Variants in APP observed in about 807,000 individuals in gnomAD.
The protein encoded by APP is amyloid-beta precursor protein.
A neutral mutation model predicts 101.4 loss-of-function variants in APP; 31 were observed. That is an observed-to-expected ratio of 0.31 (90% confidence interval 0.23 to 0.41). The LOEUF (loss-of-function observed/expected upper bound fraction) is 0.41, where lower values mean the gene tolerates loss of function less well. Ranked by LOEUF, APP falls within the 10% of genes least tolerant of loss-of-function variation. The pLI, the probability that APP is intolerant of heterozygous loss-of-function variation, is 1.00. For synonymous variants in APP, 366 were observed against 364.4 expected (o/e 1.00, Z -0.05); for missense variants, 839 against 1,003.7 (o/e 0.84, Z 2.22).
At chr21:25,894,860 A>G (rs1413908688) in intron 16 of APP, among the ~76,000 whole-genome samples, 2 of 152,230 alleles carry the variant, frequency 1.3e-5, no homozygotes, top group African/African-American at 2.4e-5. Context: ...ACAGCATCAC[A>G]TGCTACAGAG....
intron 1 of APP, among the ~76,000 whole-genome samples, chr21:26,132,554 A>T (rs944906784): frequency 3.9e-5 from 6 of 152,350 alleles, no homozygotes; most frequent in African/African-American, 1.2e-4. Flanking sequence ...CTCGTGAACT[A>T]ATTCAGAACT....
intron 6 of APP, among the ~76,000 whole-genome samples, chr21:26,020,897 A>G (rs1568866636): frequency 6.6e-6 from 1 of 152,238 alleles, no homozygotes; most frequent in Admixed American, 6.5e-5. Flanking sequence ...CAACACAAAC[A>G]TTAATTCAAT....
In APP at chr21:26,033,029, G is replaced by A. The variant is rs138289939; in HGVS notation, c.663-10987C>T. 1.3e-3 allele frequency among the ~76,000 whole-genome samples: 202 copies of A among 152,078 alleles called. 1 individual carries two copies. Among genetic ancestry groups the A allele is most frequent in the African/African-American group, 4.8e-3 (197 of 41,378 alleles). On this transcript the variant is annotated intron_variant, in intron 5 of 17. Transcript: ENST00000346798. ...GAATAATCTGTTGAAGAGGTAACAG[G>A]TAAACTGGGACATGATGAATGAATA...
intron 2 of APP, among the ~76,000 whole-genome samples, chr21:26,107,948 T>G (rs1276881330): frequency 6.6e-6 from 1 of 152,180 alleles, no homozygotes; most frequent in Non-Finnish European, 1.5e-5. Context: ...TACATCCAAA[T>G]GTATTTAATG....
chr21:26,143,665 TA>T (rs907101958), intron 1 of APP, among the ~76,000 whole-genome samples: 1 of 152,218 alleles, frequency 6.6e-6, no homozygotes, highest in Non-Finnish European at 1.5e-5. Context: ...ATTAATCTCA[TA>T]ACTGCAAGTT....
chr21:26,030,272 C>T (rs1387709775), intron 5 of APP, among the ~76,000 whole-genome samples: 1 of 152,176 alleles, frequency 6.6e-6, no homozygotes, highest in East Asian at 1.9e-4. Context: ...AAGATGCTGG[C>T]CCTGGTGCCG....
chr21:26,005,721 T>C (rs1391948825), intron 6 of APP, among the ~76,000 whole-genome samples: 3 of 152,190 alleles, frequency 2.0e-5, no homozygotes, highest in African/African-American at 4.8e-5. Flanking sequence ...ACATTTTCTA[T>C]TTTTCTCAAT....
At chr21:26,044,378 T>C (rs866545526) in intron 5 of APP, among the ~76,000 whole-genome samples, 1 of 152,220 alleles carries the variant, frequency 6.6e-6, no homozygotes, top group Non-Finnish European at 1.5e-5. Flanking sequence ...TATTGGCAAA[T>C]AGGAACAACT....
At chr21:26,082,200 C>G (rs2061612868) in intron 3 of APP, among the ~76,000 whole-genome samples, 1 of 151,960 alleles carries the variant, frequency 6.6e-6, no homozygotes, top group Admixed American at 6.6e-5. Context: ...GCCGGGGCAA[C>G]AAGAGTGAAA....
chr21:25,904,187 A>C (rs2038662679), intron 15 of APP, among the ~76,000 whole-genome samples: 1 of 152,242 alleles, frequency 6.6e-6, no homozygotes, highest in Non-Finnish European at 1.5e-5. Context: ...CAAATTTGTC[A>C]ATTCAATAAC....
At chr21:26,064,072 C>G (rs2046368827) in intron 3 of APP, among the ~76,000 whole-genome samples, 1 of 152,070 alleles carries the variant, frequency 6.6e-6, no homozygotes, top group African/African-American at 2.4e-5. Flanking sequence ...ATTATCTGAC[C>G]AATACAAAAC....
chr21:26,109,386 T>C (rs1257864612), intron 2 of APP, among the ~76,000 whole-genome samples: 1 of 152,112 alleles, frequency 6.6e-6, no homozygotes, highest in Non-Finnish European at 1.5e-5. Flanking sequence ...ATCCGGGTGT[T>C]TGAAAGTGTG....
intron 3 of APP, among the ~76,000 whole-genome samples, chr21:26,082,803 C>A (rs2061623279): frequency 6.6e-6 from 1 of 152,290 alleles, no homozygotes; most frequent in South Asian, 2.1e-4. Context: ...ATTTCACCCA[C>A]CTCCAGGGGC....
chr21:26,143,124 T>C (rs981509123), intron 1 of APP, among the ~76,000 whole-genome samples: 1 of 152,138 alleles, frequency 6.6e-6, no homozygotes, highest in Admixed American at 6.6e-5. Context: ...CAGAAAAAAA[T>C]GCTTCAAGTT....
chr21:25,886,848 C>T (rs2037360297), intron 17 of APP, among the ~76,000 whole-genome samples: 1 of 152,128 alleles, frequency 6.6e-6, no homozygotes, highest in African/African-American at 2.4e-5. Context: ...ACAATGCCAA[C>T]GTCAGTGCGT....
intron 15 of APP, among the ~76,000 whole-genome samples, chr21:25,902,541 ACC>A (rs2038559753): frequency 1.4e-5 from 2 of 147,972 alleles, no homozygotes; most frequent in South Asian, 4.3e-4. Context: ...TTACTGGGCA[ACC>A]CAAGCCTACG....
chr21:26,112,194 A>ATTCTT (rs2062342762), intron 1 of APP, 48 bp from the exon 2 acceptor site: 1 of 1,573,068 alleles, frequency 6.4e-7, no homozygotes, highest in African/African-American at 1.4e-5. Flanking sequence ...GCTCCAAGGC[A>ATTCTT]GAGGCTTGGA....
intron 5 of APP, among the ~76,000 whole-genome samples, chr21:26,034,638 C>CAAAAAAAAAAAAAAAAAA (rs201287871): frequency 1.2e-4 from 2 of 17,100 alleles, no homozygotes; most frequent in African/African-American, 1.1e-4. Flanking sequence ...CAAGACTTCT[C>CAAAAAAAAAAAAAAAAAA]AAAAAAAAAA....
At chr21:26,008,307 G>A (rs890926957) in intron 6 of APP, among the ~76,000 whole-genome samples, 4 of 152,156 alleles carry the variant, frequency 2.6e-5, no homozygotes, top group African/African-American at 9.7e-5. Context: ...TCACAAAAGG[G>A]TACCACTGTG....
Sources: allele counts gnomAD v4.1 joint callset (sites outside exome capture counted in the v4.1 genomes callset), GRCh38; gene constraint gnomAD v4.1.1; transcripts MANE v1.5; gene names NCBI Gene and HGNC (gene_info 2026-07-23, HGNC 2026-07-21).